The following KCNU1 variants were observed in gnomAD, a reference collection of about 807,000 sequenced individuals.
KCNU1 encodes the protein potassium channel subfamily U member 1.
A neutral mutation model predicts 126.8 loss-of-function variants in KCNU1; 93 were observed. That is an observed-to-expected ratio of 0.73 (90% CI 0.62 to 0.87). The LOEUF (loss-of-function observed/expected upper bound fraction) is 0.87. KCNU1 is among the 40% of genes least tolerant of loss of function. KCNU1 has a pLI of 0.00. For missense variants in KCNU1, 1,330 were observed against 1,367.1 expected (o/e 0.97, Z 0.43); for synonymous variants, 523 against 494.2 (o/e 1.06, Z -0.77).
In KCNU1 at chr8:36,859,996, AT is replaced by A. The variant is rs549568716; in HGVS notation, c.1892-4400del. On this transcript the variant is annotated intron_variant, in intron 18 of 26. Coordinates refer to ENST00000399881, the MANE Select transcript of KCNU1 (RefSeq NM_001031836.3). ...GCACAAACTCAAAAGGAATCTTTTT[AT>A]TTTTTTTGATCAATGAAATACAGAT... 1.6e-4 allele frequency among the ~76,000 whole-genome samples: 25 copies of A among 152,086 alleles called. No homozygotes were observed. The East Asian group carries it at 3.7e-3, about 22-fold the overall frequency.
At chr8:36,790,236 C>T (rs1802856140) in intron 2 of KCNU1, among the ~76,000 whole-genome samples, 1 of 152,072 alleles carries the variant, frequency 6.6e-6, no homozygotes, top group Admixed American at 6.5e-5. Flanking sequence ...GAAGATATAA[C>T]ATCATTAACA....
chr8:36,785,924 C>T (rs1011530148), intron 1 of KCNU1, among the ~76,000 whole-genome samples: 1 of 152,076 alleles, frequency 6.6e-6, no homozygotes, highest in African/African-American at 2.4e-5. Context: ...CCTTTAATTA[C>T]AAATATTTAG....
intron 1 of KCNU1, 23 bp from the exon 2 acceptor site, chr8:36,787,283 C>T (rs780237626): frequency 3.1e-6 from 5 of 1,590,714 alleles, no homozygotes; most frequent in Non-Finnish European, 4.3e-6. Context: ...CTCACATTGT[C>T]AATTTCTTTC....
rs538090899 is a variant in KCNU1 at position 36,865,773 on chromosome 8, C to CAA, written c.2009+1276_2009+1277dup. On this transcript the variant is annotated intron_variant, in intron 19 of 26. Coordinates refer to ENST00000399881, the MANE Select transcript of KCNU1 (RefSeq NM_001031836.3). ...CCTGAGTGACAGAGCAAGAGCTTGT[C>CAA]AAAAAAAAAAAAAAAAAAAAAAAAA... is the stretch of plus-strand genomic sequence containing the variant. Among the ~76,000 whole-genome samples, 94 of 61,360 alleles carry CAA rather than the reference C, an allele frequency of 1.5e-3. 4 individuals carry two copies. Among genetic ancestry groups the CAA allele is most frequent in the Admixed American group, 2.0e-3 (10 of 5,020 alleles). 40.3% of individuals were successfully genotyped at this position (61,360 alleles called of 152,430 possible).
At chr8:36,892,430 T>A (rs1192021221) in intron 19 of KCNU1, among the ~76,000 whole-genome samples, 2 of 152,022 alleles carry the variant, frequency 1.3e-5, no homozygotes, top group African/African-American at 4.8e-5. Context: ...ATAATGGCTC[T>A]TATAAAATCT....
intron 2 of KCNU1, among the ~76,000 whole-genome samples, chr8:36,792,429 C>A (rs914520973): frequency 2.6e-5 from 4 of 152,090 alleles, no homozygotes; most frequent in Non-Finnish European, 5.9e-5. Context: ...GTCCATAGAT[C>A]CTGTCTTCAA....
chr8:36,926,507 G>A (rs1377880549), intron 24 of KCNU1, among the ~76,000 whole-genome samples: 2 of 152,084 alleles, frequency 1.3e-5, no homozygotes, highest in Non-Finnish European at 2.9e-5. Context: ...TTGCACAAGA[G>A]ACGTCTGTTG....
rs910928651 is a variant in KCNU1 at position 36,806,283 on chromosome 8, T to G, written c.483T>G (p.Asp161Glu). ...CTATTTCATAGTTTATGGCAGCTGA[T>G]GACAAGATCAAGTTCTGGCTGGAGA... is the stretch of plus-strand genomic sequence containing the variant. Reference protein sequence around the residue: ...FYFGLRFMAADDKIKFWLEMN... With the variant: ...FYFGLRFMAAEDKIKFWLEMN... Residue 161 changes from aspartate (D) to glutamate (E), a missense_variant, in exon 5 of 27, where the codon GAT becomes GAG. Physicochemically the swap from Asp to Glu is conservative, Grantham distance 45 (BLOSUM62 2). This residue lies in a region of KCNU1 where 247 missense variants were observed against 255.4 expected (regional missense o/e 0.97). Coordinates refer to ENST00000399881, the MANE Select transcript of KCNU1 (RefSeq NM_001031836.3). 6.2e-7 allele frequency: 1 copy of G among 1,608,216 alleles called. No homozygotes were observed. The highest frequency in any genetic ancestry group is 8.5e-7 in the Non-Finnish European group (1 of 1,176,848).
intron 18 of KCNU1, among the ~76,000 whole-genome samples, chr8:36,860,687 C>T (rs547047176): frequency 9.8e-5 from 15 of 152,288 alleles, no homozygotes; most frequent in African/African-American, 3.6e-4. Context: ...CCAAATTCCC[C>T]TAATCCCCAT....
At chr8:36,821,236 A>G (rs1037732325) in intron 10 of KCNU1, among the ~76,000 whole-genome samples, 18 of 152,164 alleles carry the variant, frequency 1.2e-4, no homozygotes, top group African/African-American at 3.6e-4. Context: ...CGGACAGTAG[A>G]TTAACTCGTG....
intron 19 of KCNU1, among the ~76,000 whole-genome samples, chr8:36,892,253 C>T (rs772707724): frequency 1.4e-4 from 22 of 152,108 alleles, no homozygotes; most frequent in Non-Finnish European, 2.8e-4. Context: ...TGAGCTCCTT[C>T]ACTAAAATTT....
At chr8:36,784,754 C>G (rs1229433774) in intron 1 of KCNU1, 149 bp downstream of exon 1, 1 of 649,200 alleles carries the variant, frequency 1.5e-6, no homozygotes, top group African/African-American at 1.8e-5. Context: ...GGGTGGTAAG[C>G]CAGACCTCAG....
At chr8:36,918,161 G>C (rs982161872) in intron 22 of KCNU1, among the ~76,000 whole-genome samples, 5 of 152,218 alleles carry the variant, frequency 3.3e-5, no homozygotes, top group Non-Finnish European at 5.9e-5. Context: ...ACTCAGTGGA[G>C]AGTAAGCATA....
intron 2 of KCNU1, among the ~76,000 whole-genome samples, chr8:36,798,092 G>C (rs754574564): frequency 5.9e-5 from 9 of 152,266 alleles, no homozygotes; most frequent in Non-Finnish European, 1.2e-4. Flanking sequence ...TGTTGTACTT[G>C]GTTCTTGTTT....
intron 19 of KCNU1, among the ~76,000 whole-genome samples, chr8:36,904,653 T>A (rs905584563): frequency 1.3e-5 from 2 of 152,120 alleles, no homozygotes; most frequent in African/African-American, 4.8e-5. Flanking sequence ...GCCAATGAGA[T>A]GTGAGGAGAA....
intron 19 of KCNU1, among the ~76,000 whole-genome samples, chr8:36,893,524 G>A (rs1647624495): frequency 6.6e-6 from 1 of 151,940 alleles, no homozygotes. Flanking sequence ...CTGTGAATAA[G>A]GATATTTAAC....
At chr8:36,815,511 C>A in intron 8 of KCNU1, 85 bp from the exon 9 acceptor site, 2 of 640,164 alleles carry the variant, frequency 3.1e-6, no homozygotes, top group Non-Finnish European at 2.7e-6. Context: ...TTTATGTACC[C>A]TCCTTTTCCT....
At chr8:36,842,265 A>C (rs1014930347) in intron 16 of KCNU1, among the ~76,000 whole-genome samples, 16 of 152,248 alleles carry the variant, frequency 1.1e-4, no homozygotes, top group African/African-American at 3.9e-4. Flanking sequence ...AATAATTTTC[A>C]ATTATATCAG....
At chr8:36,928,592 A>C (rs1263216561) in intron 24 of KCNU1, among the ~76,000 whole-genome samples, 1 of 152,168 alleles carries the variant, frequency 6.6e-6, no homozygotes, top group Non-Finnish European at 1.5e-5. Flanking sequence ...AGTTATTTTT[A>C]TTATCTTCTA....
Sources: allele counts gnomAD v4.1 joint callset (sites outside exome capture counted in the v4.1 genomes callset), GRCh38; gene constraint gnomAD v4.1.1; regional missense constraint gnomAD v4.1.1; transcripts MANE v1.5; gene names NCBI Gene and HGNC (gene_info 2026-07-23, HGNC 2026-07-21).